The following ZNF718 variants were observed in gnomAD, a reference collection of about 807,000 sequenced individuals.
ZNF718 encodes the protein zinc finger protein 718.
A neutral mutation model predicts 2.6 loss-of-function variants in ZNF718; 3 were observed. The observed-to-expected ratio is 1.16, with a 90% CI of 0.53 to 3.01. The LOEUF is 3.01. Among genes scored for constraint, ZNF718 ranks in the 30% most tolerant of loss-of-function variants. ZNF718 has a pLI of 0.03. For synonymous variants in ZNF718, 135 were observed against 77.9 expected (o/e 1.73, Z -3.86); for missense variants, 468 against 230.0 (o/e 2.03, Z -6.69).
At chr4:153,176 A>T (rs1716408916) in intron 3 of ZNF718, among the ~76,000 whole-genome samples, 1 of 104,934 alleles carries the variant, frequency 9.5e-6, no homozygotes, top group Non-Finnish European at 2.1e-5. Flanking sequence ...TATTGAAAAG[A>T]CTCTCTTTCT....
chr4:148,895 CA>C (rs1553811971), intron 3 of ZNF718, among the ~76,000 whole-genome samples: 1 of 152,124 alleles, frequency 6.6e-6, no homozygotes, highest in East Asian at 1.9e-4. Context: ...GCTATGTTTA[CA>C]GTGAGAATTA....
chr4:147,880 C>T lies in ZNF718; in HGVS notation c.227-13032C>T, dbSNP rs1286822317. 2.0e-5 allele frequency among the ~76,000 whole-genome samples: 3 copies of T among 151,938 alleles called. No homozygotes were observed. The East Asian group carries it at 5.8e-4, about 29-fold the overall frequency. On this transcript the variant is annotated intron_variant, in intron 3 of 3. Coordinates refer to ENST00000510175, the MANE Select transcript of ZNF718 (RefSeq NM_001039127.6). ...GAGATTCCATCTCCAGGAAAAAAAA[C>T]CCTCCAATTATATCTGGGGGTGCTG...
intron 3 of ZNF718, among the ~76,000 whole-genome samples, chr4:139,246 A>AC (rs1715706273): frequency 6.6e-6 from 1 of 152,074 alleles, no homozygotes; most frequent in African/African-American, 2.4e-5. Context: ...TAGTAGTTTC[A>AC]TAGTTTGATG....
At chr4:171,984 T>C (rs1249895965) in intron 3 of ZNF718, among the ~76,000 whole-genome samples, 1 of 152,214 alleles carries the variant, frequency 6.6e-6, no homozygotes, top group Non-Finnish European at 1.5e-5. Flanking sequence ...CCATCTTGGC[T>C]CCACCTGTCG....
intron 3 of ZNF718, among the ~76,000 whole-genome samples, chr4:159,805 A>G (rs1553814510): frequency 1.3e-5 from 2 of 152,128 alleles, no homozygotes; most frequent in Non-Finnish European, 2.9e-5. Context: ...CAAATTTTTT[A>G]ATTGGGCCAT....
intron 3 of ZNF718, among the ~76,000 whole-genome samples, chr4:147,900 G>T (rs1302897341): frequency 6.6e-6 from 1 of 152,082 alleles, no homozygotes; most frequent in Non-Finnish European, 1.5e-5. Flanking sequence ...ATATCTGGGG[G>T]TGCTGATACA....
chr4:155,180 G>T (rs1466226166), intron 3 of ZNF718, among the ~76,000 whole-genome samples: 1 of 151,674 alleles, frequency 6.6e-6, no homozygotes, highest in Admixed American at 6.6e-5. Context: ...TGCTGCAGGG[G>T]TGTGGCCCTC....
At chr4:153,930 A>G (rs1327786312) in intron 3 of ZNF718, among the ~76,000 whole-genome samples, 1 of 152,222 alleles carries the variant, frequency 6.6e-6, no homozygotes, top group African/African-American at 2.4e-5. Flanking sequence ...TGTGTACACT[A>G]TAAGACAGTG....
At chr4:166,051 C>T (rs1553816772), downstream of ZNF718, among the ~76,000 whole-genome samples, 1 of 152,122 alleles carries the variant, frequency 6.6e-6, no homozygotes, top group Non-Finnish European at 1.5e-5. Context: ...CTTCCTGTGT[C>T]CATGAGTTCT....
chr4:184,990 C>G (rs1283312178), intron 3 of ZNF718, among the ~76,000 whole-genome samples: 20 of 151,834 alleles, frequency 1.3e-4, no homozygotes, highest in Admixed American at 1.3e-3. Context: ...TTTTTTGTGT[C>G]TCTATTATGT....
In ZNF718 at chr4:161,149, T is replaced by G. The variant is rs782213687; in HGVS notation, c.464T>G (p.Phe155Cys). 1.3e-6 allele frequency: 1 copy of G among 757,710 alleles called. No individual in the cohort carries two copies. The highest frequency in any genetic ancestry group is 1.4e-5 in the South Asian group (1 of 72,356). 46.9% of individuals were successfully genotyped at this position (757,710 alleles called of 1,614,324 possible). ...ATATGTGTCAAAGTTTTTCATAAATTTTCAAATTCAAACAAAGATAAGATA... is the reference window on the plus strand; with the variant it reads ...ATATGTGTCAAAGTTTTTCATAAATGTTCAAATTCAAACAAAGATAAGATA... ...SNICVKVFHK[F>C]SNSNKDKIRY... The change falls in exon 4 of 4, where the codon TTT (phenylalanine) becomes TGT (cysteine). Residue 155 changes from phenylalanine to cysteine, a missense_variant. By Grantham distance (205) the Phe-to-Cys change is radical (BLOSUM62 -2). Transcript: ENST00000510175.
downstream of ZNF718, among the ~76,000 whole-genome samples, chr4:164,655 C>G: frequency 6.6e-6 from 1 of 152,208 alleles, no homozygotes; most frequent in Middle Eastern, 3.4e-3. Flanking sequence ...TTAAGATGTT[C>G]ACAATGTGTG....
At chr4:168,660 C>T (rs1461212921), downstream of ZNF718, among the ~76,000 whole-genome samples, 3 of 152,148 alleles carry the variant, frequency 2.0e-5, no homozygotes, top group Non-Finnish European at 4.4e-5. Context: ...ATAGTATTCT[C>T]TGATGGTAGT....
At chr4:136,281 G>T in intron 3 of ZNF718, 1 of 474,306 alleles carries the variant, frequency 2.1e-6, no homozygotes, top group Admixed American at 2.2e-5. Context: ...TGTACAACTG[G>T]CCATGGACTG....
At chr4:158,684 A>T (rs1304571365) in intron 3 of ZNF718, among the ~76,000 whole-genome samples, 3 of 151,972 alleles carry the variant, frequency 2.0e-5, no homozygotes, top group Admixed American at 6.6e-5. Flanking sequence ...TTTATTTTGC[A>T]TATTAACAGT....
At chr4:188,375 G>T (rs1717613636) in intron 3 of ZNF718, among the ~76,000 whole-genome samples, 1 of 152,224 alleles carries the variant, frequency 6.6e-6, no homozygotes, top group Non-Finnish European at 1.5e-5. Context: ...AAGCAGCAAA[G>T]ATAGTGGCCT....
At chr4:135,756 A>ATATATATATAT (rs1581426330) in intron 3 of ZNF718, among the ~76,000 whole-genome samples, 12 of 143,678 alleles carry the variant, frequency 8.4e-5, no homozygotes, top group South Asian at 2.2e-4. Context: ...ATGATTATAT[A>ATATATATATAT]ATCTACAGAC....
chr4:149,884 A>G (rs1275728187), intron 3 of ZNF718: 4 of 152,154 alleles, frequency 2.6e-5, no homozygotes, highest in Non-Finnish European at 5.9e-5. Context: ...ATAGTTATAA[A>G]AAAATAAAAT....
chr4:175,852 CTTTTTTTTTTTT>C (rs1158577358), intron 3 of ZNF718, among the ~76,000 whole-genome samples: 2 of 98,932 alleles, frequency 2.0e-5, no homozygotes, highest in East Asian at 5.5e-4. Flanking sequence ...GATTAACAGT[CTTTTTTTTTTTT>C]TTTTTTTTTT....
Sources: allele counts gnomAD v4.1 joint callset (sites outside exome capture counted in the v4.1 genomes callset), GRCh38; gene constraint gnomAD v4.1.1; transcripts MANE v1.5; gene names NCBI Gene and HGNC (gene_info 2026-07-23, HGNC 2026-07-21).